The following ZC2HC1B variants were observed in gnomAD, a reference collection of about 807,000 sequenced individuals.
The protein encoded by ZC2HC1B is zinc finger C2HC-type containing 1B.
A neutral mutation model predicts 31.0 loss-of-function variants in ZC2HC1B; 36 were observed. The observed-to-expected ratio is 1.16, with a 90% CI of 0.89 to 1.54. ZC2HC1B has a LOEUF of 1.54. Ranked by LOEUF, ZC2HC1B falls within the 40% of genes most tolerant of loss-of-function variation. The pLI, the probability that ZC2HC1B is intolerant of heterozygous loss-of-function variation, is 0.00. For synonymous variants in ZC2HC1B, 73 were observed against 88.0 expected, an observed-to-expected ratio of 0.83 and a Z score of 0.95; for missense variants, 260 against 268.6, an observed-to-expected ratio of 0.97 and a Z score of 0.22.
At position 143,923,949 on chromosome 6, in the gene ZC2HC1B, A is replaced by G. The variant is rs909146158; in HGVS notation, c.599-13700A>G. ...TATTTGAGCTCTTTAATGGTTCTAT[A>G]CAAATTTTAGGATTTTTTTGTATTT... On this transcript the variant is annotated intron_variant, in intron 6 of 7. Coordinates refer to ENST00000237275, the MANE Select transcript of ZC2HC1B (RefSeq NM_001013623.3). This position sits in a 1 kb window ranked among gnomAD's most constrained non-coding sequence, Gnocchi z 4.8. Among the ~76,000 whole-genome samples the G allele has an allele frequency of 3.9e-5, 6 of 151,974 alleles. No individual in the cohort carries two copies. Among genetic ancestry groups the G allele is most frequent in the Non-Finnish European group, 7.4e-5 (5 of 67,946 alleles).
chr6:143,884,409 A>G lies in ZC2HC1B; in HGVS notation c.90+44A>G, dbSNP rs1401783333. The G allele has an allele frequency of 6.6e-7, 1 of 1,506,190 alleles. No homozygotes were observed. The highest frequency in any genetic ancestry group is 2.0e-5 in the Admixed American group (1 of 50,172). The allele number at this position is 1,506,190 out of a possible 1,614,324, so 93.3% of individuals were successfully genotyped here. On this transcript the variant is annotated intron_variant, in intron 2 of 7. Coordinates refer to ENST00000237275, the MANE Select transcript of ZC2HC1B (RefSeq NM_001013623.3). The surrounding 1 kb of genome is among the most constrained non-coding windows in gnomAD (Gnocchi z 5.1). ...TGTAGATGTGTTTCATTGGACTTAA[A>G]TGAACTGTCAAGTCAGTGAGGAGGC...
rs537149846 is a variant in ZC2HC1B, at chr6:143,918,142, T to C, written c.598+14990T>C. 1.3e-5 allele frequency among the ~76,000 whole-genome samples: 2 copies of C among 152,288 alleles called. No individual in the cohort carries two copies. Among genetic ancestry groups the C allele is most frequent in the Non-Finnish European group, 2.9e-5 (2 of 68,026 alleles). ...ATAATGAACTTCCTCAGCTTTTGTTTATCTGGGAATGTCTTAATTTCTTCT... is the reference window on the plus strand; with the variant it reads ...ATAATGAACTTCCTCAGCTTTTGTTCATCTGGGAATGTCTTAATTTCTTCT... On this transcript the variant is annotated intron_variant, in intron 6 of 7. Coordinates refer to ENST00000237275, the MANE Select transcript of ZC2HC1B (RefSeq NM_001013623.3). This position sits in a 1 kb window ranked among gnomAD's most constrained non-coding sequence, Gnocchi z 4.1.
chr6:143,867,775 G>A (rs1209314707), intron 1 of ZC2HC1B, among the ~76,000 whole-genome samples: 1 of 152,202 alleles, frequency 6.6e-6, no homozygotes, highest in East Asian at 1.9e-4. Context: ...CCGTCAACAC[G>A]TCTGTCTCTA....
chr6:143,919,402 AC>A (rs1185462967), intron 6 of ZC2HC1B, among the ~76,000 whole-genome samples: 2 of 152,108 alleles, frequency 1.3e-5, no homozygotes, highest in African/African-American at 2.4e-5. Flanking sequence ...TTTTAAAAAA[AC>A]ATTGTAGTTT....
At chr6:143,867,204 T>A (rs1777275199) in intron 1 of ZC2HC1B, among the ~76,000 whole-genome samples, 1 of 152,244 alleles carries the variant, frequency 6.6e-6, no homozygotes, top group Admixed American at 6.5e-5. Flanking sequence ...CCAAGCATTT[T>A]GGATAAGGGA....
Position 143,868,218 on chromosome 6 carries a change from T to C in ZC2HC1B, c.28+3651T>C, listed in dbSNP as rs760041493. Among the ~76,000 whole-genome samples the C allele has an allele frequency of 6.6e-6, 1 of 152,156 alleles. No individual in the cohort carries two copies. The highest frequency in any genetic ancestry group is 1.5e-5 in the Non-Finnish European group (1 of 68,032). Reference sequence around the variant, plus strand: ...CTTCCATTTTACTGAGTCTTTTAAATCAGAAGGTGTATTAGGGTTCTCTAG... The same window carrying C: ...CTTCCATTTTACTGAGTCTTTTAAACCAGAAGGTGTATTAGGGTTCTCTAG... On this transcript the variant is annotated intron_variant, in intron 1 of 7. Coordinates refer to ENST00000237275, the MANE Select transcript of ZC2HC1B (RefSeq NM_001013623.3). The surrounding 1 kb of genome is among the most constrained non-coding windows in gnomAD (Gnocchi z 4.2).
At position 143,869,881 on chromosome 6, in the gene ZC2HC1B, C is replaced by T. The variant is rs949094597; in HGVS notation, c.28+5314C>T. 4.6e-5 allele frequency among the ~76,000 whole-genome samples: 7 copies of T among 152,156 alleles called. No homozygotes were observed. Among genetic ancestry groups the T allele is most frequent in the Non-Finnish European group, 1.0e-4 (7 of 68,024 alleles). On this transcript the variant is annotated intron_variant, in intron 1 of 7. Coordinates refer to ENST00000237275, the MANE Select transcript of ZC2HC1B (RefSeq NM_001013623.3). The surrounding 1 kb of genome is among the most constrained non-coding windows in gnomAD (Gnocchi z 5.2). ...CCACTTTGTTCATGGGCCCATTGGG[C>T]GACAACAGGGGTGGCTGGGGAAAGA... is the stretch of plus-strand genomic sequence containing the variant.
rs1777705732 is a variant in ZC2HC1B, at chr6:143,899,151, A to G, written c.489+460A>G. Among the ~76,000 whole-genome samples the G allele has an allele frequency of 6.6e-6, 1 of 152,252 alleles. No homozygotes were observed. The highest frequency in any genetic ancestry group is 2.1e-4 in the South Asian group (1 of 4,832). ...CACAGAATCAGCAAGTTAAAGGGAT[A>G]TGTGGATGAATGGAAGCAGCTGTTA... On this transcript the variant is annotated intron_variant, in intron 5 of 7. Transcript: ENST00000237275. The surrounding 1 kb of genome is among the most constrained non-coding windows in gnomAD (Gnocchi z 5.0).
At position 143,882,335 on chromosome 6, in the gene ZC2HC1B, TA is replaced by T. The variant is rs1242826864; in HGVS notation, c.29-1968del. ...ATATGTATACATATTTTATATTTTTTATATATATATATATATATATATATAT... is the reference window on the plus strand; with the variant it reads ...ATATGTATACATATTTTATATTTTTTTATATATATATATATATATATATAT... On this transcript the variant is annotated intron_variant, in intron 1 of 7. Transcript: ENST00000237275. Among the ~76,000 whole-genome samples the T allele has an allele frequency of 1.7e-3, 80 of 48,204 alleles. No individual in the cohort carries two copies. The East Asian group carries it at 0.036, about 22-fold the overall frequency. The allele number at this position is 48,204 out of a possible 152,430, so 31.6% of individuals were successfully genotyped here. A position where few individuals can be genotyped will look rare whatever the true frequency, so the allele number is the denominator to read the frequency against.
At chr6:143,866,636 T>C (rs906698763) in intron 1 of ZC2HC1B, among the ~76,000 whole-genome samples, 2 of 152,240 alleles carry the variant, frequency 1.3e-5, no homozygotes, top group Non-Finnish European at 2.9e-5. Flanking sequence ...TGTCATCAAG[T>C]CACCTCAGTT....
rs1777548923 is a variant in ZC2HC1B, at chr6:143,887,863, TGTC to T, written c.349+1043_349+1045del. Among the ~76,000 whole-genome samples, 1 of 152,078 alleles carries T rather than the reference TGTC, an allele frequency of 6.6e-6. No individual in the cohort carries two copies. The highest frequency in any genetic ancestry group is 1.5e-5 in the Non-Finnish European group (1 of 67,966). On this transcript the variant is annotated intron_variant, in intron 4 of 7. Coordinates refer to ENST00000237275, the MANE Select transcript of ZC2HC1B (RefSeq NM_001013623.3). This position sits in a 1 kb window ranked among gnomAD's most constrained non-coding sequence, Gnocchi z 5.1. ...AAATATTGTCTCCAGTTCTGTGGACTGTCTTTTTCTCTCTCTCTTGATAATAGC... is the reference window on the plus strand; with the variant it reads ...AAATATTGTCTCCAGTTCTGTGGACTTTTTTCTCTCTCTCTTGATAATAGC...
rs536936316 is a variant in ZC2HC1B at position 143,913,061 on chromosome 6, C to T, written c.598+9909C>T. 3.9e-5 allele frequency among the ~76,000 whole-genome samples: 6 copies of T among 152,190 alleles called. No individual in the cohort carries two copies. In the South Asian group the frequency reaches 1.2e-3, roughly 32 times the overall value. Reference sequence around the variant, plus strand: ...GCTGTGGTGATGAACTGCCTCTGCCCCTGTCAACTTGGTCTCTCCAAAGCC... The same window carrying T: ...GCTGTGGTGATGAACTGCCTCTGCCTCTGTCAACTTGGTCTCTCCAAAGCC... On this transcript the variant is annotated intron_variant, in intron 6 of 7. Coordinates refer to ENST00000237275, the MANE Select transcript of ZC2HC1B (RefSeq NM_001013623.3). This position sits in a 1 kb window ranked among gnomAD's most constrained non-coding sequence, Gnocchi z 5.7.
intron 5 of ZC2HC1B, among the ~76,000 whole-genome samples, chr6:143,902,007 AT>A (rs560170467): frequency 2.0e-4 from 30 of 152,286 alleles, no homozygotes; most frequent in African/African-American, 7.2e-4. Context: ...AAGTGTTTTT[AT>A]TCCTGAAGAA....
intron 6 of ZC2HC1B, among the ~76,000 whole-genome samples, chr6:143,919,107 T>A (rs997165847): frequency 6.6e-6 from 1 of 152,156 alleles, no homozygotes; most frequent in Non-Finnish European, 1.5e-5. Context: ...TATACTTTTC[T>A]TTTTCTTTGT....
At position 143,872,314 on chromosome 6, in the gene ZC2HC1B, A is replaced by G. The variant is rs1777350253; in HGVS notation, c.28+7747A>G. Among the ~76,000 whole-genome samples the G allele has an allele frequency of 6.6e-6, 1 of 152,192 alleles. No homozygotes were observed. Among genetic ancestry groups the G allele is most frequent in the African/African-American group, 2.4e-5 (1 of 41,442 alleles). The stretch of plus-strand genomic sequence containing the variant: ...CATTTGACCTAGAAGTTTTCTGCTT[A>G]TATAAATTAAGTAAAAATACAGTAG... On this transcript the variant is annotated intron_variant, in intron 1 of 7. Transcript: ENST00000237275. This position sits in a 1 kb window ranked among gnomAD's most constrained non-coding sequence, Gnocchi z 5.5.
At chr6:143,931,410 T>G (rs1445867554) in intron 6 of ZC2HC1B, among the ~76,000 whole-genome samples, 1 of 152,208 alleles carries the variant, frequency 6.6e-6, no homozygotes. Context: ...TTTCATTTCA[T>G]TATTGTTTTA....
chr6:143,874,020 T>A (rs1777377397), intron 1 of ZC2HC1B, among the ~76,000 whole-genome samples: 1 of 152,238 alleles, frequency 6.6e-6, no homozygotes, highest in Non-Finnish European at 1.5e-5. Context: ...ACTTTTATCG[T>A]CTATTTCCCT....
intron 1 of ZC2HC1B, among the ~76,000 whole-genome samples, chr6:143,881,169 C>T (rs138892054): frequency 9.2e-4 from 140 of 152,230 alleles, no homozygotes; most frequent in African/African-American, 3.3e-3. Flanking sequence ...ATAAGTTGTG[C>T]AGGTGAAATC....
chr6:143,931,827 A>T (rs1408210496), intron 6 of ZC2HC1B, among the ~76,000 whole-genome samples: 1 of 147,618 alleles, frequency 6.8e-6, no homozygotes, highest in Non-Finnish European at 1.5e-5. Flanking sequence ...TTTTGTGATG[A>T]ATTTCCAAGG....
Sources: allele counts gnomAD v4.1 joint callset (sites outside exome capture counted in the v4.1 genomes callset), GRCh38; gene constraint gnomAD v4.1.1; non-coding constraint Gnocchi (gnomAD v3.1); transcripts MANE v1.5; gene names NCBI Gene and HGNC (gene_info 2026-07-23, HGNC 2026-07-21).